SSBP3: variants seen among roughly 807,000 people sequenced by gnomAD.
SSBP3 encodes single stranded DNA binding protein 3.
SSBP3 carries 5 observed loss-of-function variants against 69.6 expected under a neutral mutation model. That is an observed-to-expected ratio of 0.07 (90% CI 0.04 to 0.15). SSBP3 has a LOEUF of 0.15. Among genes scored for constraint, SSBP3 ranks in the 10% least tolerant of loss-of-function variants. The probability of loss-of-function intolerance (pLI) is 1.00; values close to 1 mark genes in which losing one functional copy is unlikely to be tolerated. For synonymous variants in SSBP3, 196 were observed against 193.4 expected, an observed-to-expected ratio of 1.01 and a Z score of -0.11; for missense variants, 312 against 534.0, an observed-to-expected ratio of 0.58 and a Z score of 4.10.
intron 5 of SSBP3, among the ~76,000 whole-genome samples, chr1:54,260,668 C>G (rs1378097287): frequency 6.6e-6 from 1 of 152,144 alleles, no homozygotes; most frequent in Non-Finnish European, 1.5e-5. Flanking sequence ...GCAGCTGCCT[C>G]AAGAAAAAAA....
chr1:54,402,680 G>A (rs1570069033), intron 3 of SSBP3, among the ~76,000 whole-genome samples: 2 of 152,218 alleles, frequency 1.3e-5, no homozygotes, highest in East Asian at 1.9e-4. Flanking sequence ...CTTCACAGAA[G>A]CACCTGTCAG....
At chr1:54,386,302 G>C (rs1648075245) in intron 4 of SSBP3, among the ~76,000 whole-genome samples, 1 of 152,238 alleles carries the variant, frequency 6.6e-6, no homozygotes, top group Admixed American at 6.5e-5. Flanking sequence ...AGTGGCCCAT[G>C]AGCCTATTCT....
intron 4 of SSBP3, among the ~76,000 whole-genome samples, chr1:54,391,347 C>T (rs1206858920): frequency 6.6e-6 from 1 of 152,124 alleles, no homozygotes; most frequent in Non-Finnish European, 1.5e-5. Context: ...GATCTTGTAC[C>T]TTGGTCATCC....
At chr1:54,378,940 C>T (rs1298539437) in intron 4 of SSBP3, among the ~76,000 whole-genome samples, 1 of 152,216 alleles carries the variant, frequency 6.6e-6, no homozygotes, top group African/African-American at 2.4e-5. Flanking sequence ...GAACATTTTC[C>T]GAGGTGGCTT....
intron 4 of SSBP3, among the ~76,000 whole-genome samples, chr1:54,371,000 G>A (rs545773316): frequency 2.8e-4 from 43 of 152,252 alleles, no homozygotes; most frequent in African/African-American, 1.0e-3. Context: ...AGGGCTCAGT[G>A]ATTGAAAAGA....
intron 4 of SSBP3, among the ~76,000 whole-genome samples, chr1:54,344,899 C>T (rs1015956936): frequency 2.6e-5 from 4 of 152,318 alleles, no homozygotes; most frequent in Admixed American, 2.6e-4. Flanking sequence ...TTGAGCGCGT[C>T]GCTGGCAGAC....
chr1:54,267,371 G>T lies in SSBP3; in HGVS notation c.367-9222C>A, dbSNP rs982091392. On this transcript the variant is annotated intron_variant, in intron 5 of 17. Transcript: ENST00000610401. ...TGGGCACTAGGTCCCAGTACCCTGA[G>T]CTAAGTGCCGGAGACACGTGAACAA... 5.3e-5 allele frequency among the ~76,000 whole-genome samples: 8 copies of T among 152,326 alleles called. No homozygotes were observed. In the South Asian group the frequency reaches 1.5e-3, roughly 28 times the overall value.
intron 4 of SSBP3, among the ~76,000 whole-genome samples, chr1:54,347,229 A>C (rs1646704227): frequency 6.6e-6 from 1 of 151,294 alleles, no homozygotes; most frequent in South Asian, 2.1e-4. Flanking sequence ...TGGCCTCCCA[A>C]AGTACTGGGG....
rs562987295 is a variant in SSBP3 at position 54,406,168 on chromosome 1, C to G, written c.-160G>C. On this transcript the variant is annotated 5_prime_UTR_variant, in exon 1 of 18. Coordinates refer to ENST00000610401, the Ensembl canonical transcript of SSBP3. ...CCTCGCCGCGCTCCCCTCCCTCCCCCCCAGGCGCTGGCTCCGCGCTCTTTC... is the reference window on the plus strand; with the variant it reads ...CCTCGCCGCGCTCCCCTCCCTCCCCGCCAGGCGCTGGCTCCGCGCTCTTTC... The G allele has an allele frequency of 4.6e-4, 241 of 518,676 alleles. 2 individuals are homozygous for G. Among genetic ancestry groups the G allele is most frequent in the Middle Eastern group, 1.1e-3 (2 of 1,798 alleles). 32.1% of individuals were successfully genotyped at this position (518,676 alleles called of 1,614,324 possible).
At chr1:54,329,987 G>A (rs1646379140) in intron 4 of SSBP3, among the ~76,000 whole-genome samples, 1 of 152,148 alleles carries the variant, frequency 6.6e-6, no homozygotes, top group Admixed American at 6.5e-5. Flanking sequence ...CCCAGACTTT[G>A]CACGTTCACA....
chr1:54,258,826 C>T lies in SSBP3; in HGVS notation c.367-677G>A, dbSNP rs890185133. On this transcript the variant is annotated intron_variant, in intron 5 of 17. Coordinates refer to ENST00000610401, the Ensembl canonical transcript of SSBP3. This position sits in a 1 kb window ranked among gnomAD's most constrained non-coding sequence, Gnocchi z 4.5. ...GTGTGGGCAGCACAGACTCGCACAC[C>T]GTGAATTCACCTGCACTTCAAAGCA... Among the ~76,000 whole-genome samples, 3 of 152,184 alleles carry T rather than the reference C, an allele frequency of 2.0e-5. No individual in the cohort carries two copies. Among genetic ancestry groups the T allele is most frequent in the East Asian group, 1.9e-4 (1 of 5,190 alleles).
At chr1:54,225,505 AC>A in exon 18 of SSBP3, 1 of 1,098,446 alleles carries the variant, frequency 9.1e-7, no homozygotes. Context: ...TATCATAATT[AC>A]TTTTTTTTCC....
At chr1:54,402,015 A>C (rs1469178774) in intron 3 of SSBP3, 70 bp from the exon 4 acceptor site, 1 of 1,356,924 alleles carries the variant, frequency 7.4e-7, no homozygotes, top group Non-Finnish European at 1.0e-6. Context: ...CAAGTGCACG[A>C]TGCATGGCGC....
At chr1:54,239,156 T>G in exon 14 of SSBP3, 1 of 1,614,128 alleles carries the variant, frequency 6.2e-7, no homozygotes, top group Non-Finnish European at 8.5e-7. Flanking sequence ...CAGGCGGCAC[T>G]GGATTAATCA....
chr1:54,373,181 C>T (rs1647163344), intron 4 of SSBP3, among the ~76,000 whole-genome samples: 1 of 152,158 alleles, frequency 6.6e-6, no homozygotes, highest in Non-Finnish European at 1.5e-5. Flanking sequence ...CCCCCAGAAC[C>T]AACAGGGGAA....
rs140638293 is a variant in SSBP3, at chr1:54,281,904, G to A, written c.277-377C>T. Among the ~76,000 whole-genome samples, 56 of 152,052 alleles carry A rather than the reference G, an allele frequency of 3.7e-4. No individual in the cohort carries two copies. The East Asian group carries it at 9.1e-3, about 25-fold the overall frequency. Reference sequence around the variant, plus strand: ...TTGAGCCCAGGAGTTCGAGACCGGCGCGGGCAACATAGGGAGACCCCGTCC... The same window carrying A: ...TTGAGCCCAGGAGTTCGAGACCGGCACGGGCAACATAGGGAGACCCCGTCC... On this transcript the variant is annotated intron_variant, in intron 4 of 17. Transcript: ENST00000610401.
chr1:54,298,572 C>A (rs1352881699), intron 4 of SSBP3, among the ~76,000 whole-genome samples: 2 of 152,200 alleles, frequency 1.3e-5, no homozygotes, highest in Non-Finnish European at 2.9e-5. Flanking sequence ...CTCACAATTA[C>A]CTCTCCAACT....
intron 4 of SSBP3, among the ~76,000 whole-genome samples, chr1:54,288,906 G>T (rs1379703679): frequency 6.6e-6 from 1 of 151,566 alleles, no homozygotes; most frequent in African/African-American, 2.4e-5. Flanking sequence ...TGTAGTGCCA[G>T]CTACTCAGGA....
chr1:54,409,369 G>A (rs1649930069), upstream of SSBP3, among the ~76,000 whole-genome samples: 1 of 152,064 alleles, frequency 6.6e-6, no homozygotes, highest in African/African-American at 2.4e-5. Flanking sequence ...GTAGCCACTT[G>A]TTTACTGTCT....
Sources: gnomAD v4.1 joint callset for allele counts (sites outside exome capture counted in the v4.1 genomes callset) on GRCh38, gnomAD v4.1.1 for gene constraint, Gnocchi (gnomAD v3.1) non-coding constraint, MANE v1.5 for transcripts, NCBI Gene and HGNC (gene_info 2026-07-23, HGNC 2026-07-21) for gene names.